RUNDC3B: variants seen among roughly 807,000 people sequenced by gnomAD.
RUNDC3B encodes RUN domain-containing protein 3B.
A neutral mutation model predicts 58.4 loss-of-function variants in RUNDC3B; 33 were observed. The observed-to-expected ratio is 0.56, with a 90% confidence interval of 0.43 to 0.75. The LOEUF (loss-of-function observed/expected upper bound fraction) is 0.75, where lower values mean the gene tolerates loss of function less well. RUNDC3B is among the 30% of genes least tolerant of loss of function. The pLI, the probability that RUNDC3B is intolerant of heterozygous loss-of-function variation, is 0.00. For missense variants in RUNDC3B, 501 were observed against 535.7 expected, an observed-to-expected ratio of 0.94 and a Z score of 0.64; for synonymous variants, 193 against 195.2, an observed-to-expected ratio of 0.99 and a Z score of 0.10.
intron 6 of RUNDC3B, among the ~76,000 whole-genome samples, chr7:87,757,771 A>G (rs1833452600): frequency 2.0e-5 from 3 of 152,202 alleles, no homozygotes; most frequent in Admixed American, 6.6e-5. Flanking sequence ...ATAGAGCTAT[A>G]GTAACCAAAG....
intron 4 of RUNDC3B, among the ~76,000 whole-genome samples, chr7:87,716,658 CA>C (rs1203481988): frequency 6.6e-6 from 1 of 152,130 alleles, no homozygotes; most frequent in Admixed American, 6.6e-5. Flanking sequence ...ACACAAAGTG[CA>C]AGGTTTTCCC....
At chr7:87,745,286 A>G (rs1832583754) in intron 6 of RUNDC3B, among the ~76,000 whole-genome samples, 1 of 151,880 alleles carries the variant, frequency 6.6e-6, no homozygotes, top group African/African-American at 2.4e-5. Flanking sequence ...TTCTTTTTTG[A>G]TTATGTCCTT....
chr7:87,672,709 A>T, intron 2 of RUNDC3B, among the ~76,000 whole-genome samples: 1 of 152,150 alleles, frequency 6.6e-6, no homozygotes, highest in South Asian at 2.1e-4. Context: ...ATGGGTTCAC[A>T]AGGAGATCTC....
chr7:87,650,457 G>A (rs1481123599), intron 1 of RUNDC3B, among the ~76,000 whole-genome samples: 1 of 152,052 alleles, frequency 6.6e-6, no homozygotes, highest in Non-Finnish European at 1.5e-5. Flanking sequence ...AGGCAAACAA[G>A]CTCCCTCAGG....
chr7:87,642,425 G>T (rs930593403), intron 1 of RUNDC3B, among the ~76,000 whole-genome samples: 9 of 152,038 alleles, frequency 5.9e-5, no homozygotes, highest in African/African-American at 1.4e-4. Flanking sequence ...ATTTTCATTT[G>T]TTCTTGGATA....
intron 8 of RUNDC3B, among the ~76,000 whole-genome samples, chr7:87,802,288 G>A (rs1236529834): frequency 6.6e-6 from 1 of 152,158 alleles, no homozygotes; most frequent in East Asian, 1.9e-4. Context: ...CAGCTACTGG[G>A]AGGCTGAGAG....
chr7:87,777,700 A>G, intron 7 of RUNDC3B, 98 bp from the exon 8 acceptor site: 1 of 901,608 alleles, frequency 1.1e-6, no homozygotes, highest in Non-Finnish European at 1.7e-6. Context: ...TTTCATTACA[A>G]TATAAATAGG....
chr7:87,744,252 T>C (rs1435858943), intron 6 of RUNDC3B, among the ~76,000 whole-genome samples: 1 of 152,184 alleles, frequency 6.6e-6, no homozygotes, highest in Admixed American at 6.5e-5. Context: ...GGGTGATGTC[T>C]CCAAATTTGT....
At chr7:87,749,801 T>C in intron 6 of RUNDC3B, among the ~76,000 whole-genome samples, 1 of 152,044 alleles carries the variant, frequency 6.6e-6, no homozygotes, top group Non-Finnish European at 1.5e-5. Flanking sequence ...GAAACATTCT[T>C]AACATTTTGA....
At chr7:87,825,963 A>G (rs1837781785) in intron 10 of RUNDC3B, among the ~76,000 whole-genome samples, 1 of 152,170 alleles carries the variant, frequency 6.6e-6, no homozygotes, top group Non-Finnish European at 1.5e-5. Flanking sequence ...CTTTTGATTT[A>G]TAGGCTCATA....
At chr7:87,736,885 ATATATTTTTTT>A (rs1247206132) in intron 4 of RUNDC3B, among the ~76,000 whole-genome samples, 8 of 37,822 alleles carry the variant, frequency 2.1e-4, no homozygotes, top group African/African-American at 5.7e-4. Context: ...ATATATATAT[ATATATTTTTTT>A]TTTTTTTTTT....
At position 87,784,299 on chromosome 7, in the gene RUNDC3B, AT is replaced by A. The variant is rs1192276689; in HGVS notation, c.956+6346del. ...GTAAGGAAATTCTCTGAGTTTTTGA[AT>A]TGCTAGAGTTCTTGTGCTAATTTTA... is the stretch of plus-strand genomic sequence containing the variant. On this transcript the variant is annotated intron_variant, in intron 8 of 10. Transcript: ENST00000394654. Among the ~76,000 whole-genome samples, 7 of 152,192 alleles carry A rather than the reference AT, an allele frequency of 4.6e-5. No individual in the cohort carries two copies. In the East Asian group the frequency reaches 1.4e-3, roughly 29 times the overall value.
chr7:87,820,773 A>G (rs1436600541), intron 10 of RUNDC3B, among the ~76,000 whole-genome samples: 1 of 151,224 alleles, frequency 6.6e-6, no homozygotes, highest in Non-Finnish European at 1.5e-5. Context: ...TATAAACAGA[A>G]CCAAAGACAA....
intron 2 of RUNDC3B, among the ~76,000 whole-genome samples, chr7:87,674,907 C>T (rs930932207): frequency 2.0e-4 from 30 of 152,268 alleles, no homozygotes; most frequent in African/African-American, 7.0e-4. Context: ...GCATGGTAAG[C>T]CTTGGGGGAG....
intron 8 of RUNDC3B, among the ~76,000 whole-genome samples, chr7:87,783,013 A>T (rs940615885): frequency 2.6e-5 from 4 of 152,164 alleles, no homozygotes; most frequent in African/African-American, 9.7e-5. Flanking sequence ...GAATTTGTTA[A>T]GTTTTCTGCA....
intron 8 of RUNDC3B, among the ~76,000 whole-genome samples, chr7:87,798,621 A>C (rs764080657): frequency 6.6e-6 from 1 of 152,206 alleles, no homozygotes; most frequent in Non-Finnish European, 1.5e-5. Context: ...CACCTGCATC[A>C]TTCACTCCTC....
chr7:87,628,591 G>C lies in RUNDC3B; in HGVS notation c.-233G>C, dbSNP rs1453525637. On this transcript the variant is annotated 5_prime_UTR_variant, in exon 1 of 11. Transcript: ENST00000394654. ...GGAGGTGGTGCGTGCGTGCGTGTGT[G>C]TGTGTGTGTGTGTGTGTGTGTGTGT... 1.4e-5 allele frequency: 1 copy of C among 70,932 alleles called. No individual in the cohort carries two copies. Among genetic ancestry groups the C allele is most frequent in the Non-Finnish European group, 2.8e-5 (1 of 35,888 alleles). 4.4% of individuals were successfully genotyped at this position (70,932 alleles called of 1,614,324 possible).
At chr7:87,798,579 T>C (rs1281062345) in intron 8 of RUNDC3B, among the ~76,000 whole-genome samples, 1 of 152,222 alleles carries the variant, frequency 6.6e-6, no homozygotes, top group Non-Finnish European at 1.5e-5. Flanking sequence ...GCACAAGATA[T>C]CTCAAGCTCA....
At chr7:87,664,039 A>T (rs1824982335) in intron 2 of RUNDC3B, among the ~76,000 whole-genome samples, 1 of 152,212 alleles carries the variant, frequency 6.6e-6, no homozygotes, top group Non-Finnish European at 1.5e-5. Context: ...TTTTGGAGGC[A>T]TGCAATTCAT....
Sources: gnomAD v4.1 joint callset for allele counts (sites outside exome capture counted in the v4.1 genomes callset) on GRCh38, gnomAD v4.1.1 for gene constraint, MANE v1.5 for transcripts, NCBI Gene and HGNC (gene_info 2026-07-23, HGNC 2026-07-21) for gene names.